FOXP4: variants seen among roughly 807,000 people sequenced by gnomAD.
FOXP4 encodes the protein forkhead box protein P4.
Under a neutral mutation model 82.6 loss-of-function variants are expected in FOXP4, and 25 were observed. The ratio of observed to expected loss-of-function variants is 0.30; its 90% CI spans 0.22 to 0.42. The LOEUF is 0.42. Among genes scored for constraint, FOXP4 ranks in the 10% least tolerant of loss-of-function variants. FOXP4 has a pLI of 1.00. For synonymous variants in FOXP4, 415 were observed against 388.2 expected (o/e 1.07, Z -0.81); for missense variants, 785 against 900.9 (o/e 0.87, Z 1.65).
In FOXP4 at chr6:41,558,257, G is replaced by A. The variant is rs933700493; in HGVS notation, c.-16-7488G>A. ...GCACGATCAGGGAGCCAAGCAGTGC[G>A]TGACTCACATCACCCACCTCTGGCT... On this transcript the variant is annotated intron_variant, in intron 1 of 16. Coordinates refer to ENST00000307972, the MANE Select transcript of FOXP4 (RefSeq NM_001012426.2). The surrounding 1 kb of genome is among the most constrained non-coding windows in gnomAD (Gnocchi z 4.0). Among the ~76,000 whole-genome samples, 6 of 152,194 alleles carry A rather than the reference G, an allele frequency of 3.9e-5. No individual in the cohort carries two copies. The highest frequency in any genetic ancestry group is 3.8e-4 in the East Asian group (2 of 5,196).
intron 16 of FOXP4, 138 bp downstream of exon 16, chr6:41,598,088 C>G (rs1766973970): frequency 1.5e-6 from 1 of 686,244 alleles, no homozygotes; most frequent in South Asian, 2.1e-5. Flanking sequence ...TTCTCTCTTC[C>G]TTCCCTCAGC....
chr6:41,563,162 C>G (rs1178992166), intron 1 of FOXP4, among the ~76,000 whole-genome samples: 1 of 152,200 alleles, frequency 6.6e-6, no homozygotes, highest in Non-Finnish European at 1.5e-5. Context: ...GGAGGCCACT[C>G]AGACTTACTG....
intron 7 of FOXP4, 63 bp downstream of exon 7, chr6:41,587,575 C>G: frequency 7.6e-7 from 1 of 1,321,908 alleles, no homozygotes; most frequent in Non-Finnish European, 1.0e-6. Flanking sequence ...TGGCCCCCCA[C>G]CCATGAGGGC....
At position 41,591,887 on chromosome 6, in the gene FOXP4, A is replaced by G. The variant is rs888773218; in HGVS notation, c.1536+565A>G. Among the ~76,000 whole-genome samples, 1 of 152,216 alleles carries G rather than the reference A, an allele frequency of 6.6e-6. No homozygotes were observed. Among genetic ancestry groups the G allele is most frequent in the South Asian group, 2.1e-4 (1 of 4,828 alleles). On this transcript the variant is annotated intron_variant, in intron 13 of 16. Coordinates refer to ENST00000307972, the MANE Select transcript of FOXP4 (RefSeq NM_001012426.2). This position sits in a 1 kb window ranked among gnomAD's most constrained non-coding sequence, Gnocchi z 4.2. ...ATTAGTCATTTCAACACCTTCAGCC[A>G]TAAGTTTTCCTGGGAGAGCAGAAGC... is the stretch of plus-strand genomic sequence containing the variant.
At position 41,594,914 on chromosome 6, in the gene FOXP4, C is replaced by T. The variant is rs541156317; in HGVS notation, c.1581C>T (p.Arg527=). The change falls in exon 14 of 17, where the codon CGC becomes CGT. Residue 527 remains arginine, a synonymous_variant. Coordinates refer to ENST00000307972, the MANE Select transcript of FOXP4 (RefSeq NM_001012426.2). ...HNLSLHKCFV[R]VENVKGAVWT... is the part of the protein sequence containing the mutation. ...TCAGCCTGCACAAGTGCTTCGTCCG[C>T]GTGGAGAACGTCAAGGGTGCCGTGT... 8.0e-5 allele frequency: 129 copies of T among 1,614,186 alleles called. 1 individual carries two copies. The South Asian group carries it at 8.7e-4, about 11-fold the overall frequency.
At chr6:41,549,365 G>A (rs1763865811) in intron 1 of FOXP4, among the ~76,000 whole-genome samples, 1 of 152,140 alleles carries the variant, frequency 6.6e-6, no homozygotes, top group African/African-American at 2.4e-5. Flanking sequence ...ACTTGCAAAG[G>A]GACCTGCTCC....
intron 2 of FOXP4, among the ~76,000 whole-genome samples, chr6:41,569,939 G>A (rs1176605952): frequency 1.3e-5 from 2 of 152,028 alleles, no homozygotes; most frequent in East Asian, 1.9e-4. Flanking sequence ...AGGCAGTTGG[G>A]GGAGGGGAGA....
At chr6:41,549,178 G>C (rs1763853901) in intron 1 of FOXP4, among the ~76,000 whole-genome samples, 1 of 152,044 alleles carries the variant, frequency 6.6e-6, no homozygotes, top group Non-Finnish European at 1.5e-5. Context: ...GAGACCATGG[G>C]AGCCTTCTCT....
At chr6:41,581,543 GCA>G (rs1326979424) in intron 3 of FOXP4, among the ~76,000 whole-genome samples, 1 of 152,222 alleles carries the variant, frequency 6.6e-6, no homozygotes, top group East Asian at 1.9e-4. Flanking sequence ...CCTGCTAGCT[GCA>G]GAGCGCCCAT....
intron 14 of FOXP4, among the ~76,000 whole-genome samples, chr6:41,596,833 T>C (rs1029367035): frequency 1.3e-5 from 2 of 150,214 alleles, no homozygotes; most frequent in Admixed American, 6.6e-5. Flanking sequence ...CATTGGAAAA[T>C]CTAGACCGGA....
At chr6:41,589,098 T>C (rs1470478554) in intron 9 of FOXP4, among the ~76,000 whole-genome samples, 2 of 152,264 alleles carry the variant, frequency 1.3e-5, no homozygotes, top group Non-Finnish European at 2.9e-5. Flanking sequence ...ACCATTATTC[T>C]CCCCATTTTC....
chr6:41,587,086 C>A lies in FOXP4; in HGVS notation c.588C>A (p.Asn196Lys), dbSNP rs752573337. Residue 196 changes from asparagine (N) to lysine (K), a missense_variant, in exon 6 of 17, where the codon AAC becomes AAA. Around this residue, in one of 3 missense-constraint regions of FOXP4, gnomAD observed 570 missense variants for 634.0 expected, o/e 0.90. Coordinates refer to ENST00000307972, the MANE Select transcript of FOXP4 (RefSeq NM_001012426.2). ...AGTTGCAGCAGCAGCACCTGCTCAA[C>A]CTGCAGAGGCAGGGGCTGGTCAGCC... ...MQQLQQQHLL[N>K]LQRQGLVSLQ... The A allele has an allele frequency of 2.4e-5, 39 of 1,609,486 alleles. No individual in the cohort carries two copies. Among genetic ancestry groups the A allele is most frequent in the Non-Finnish European group, 2.1e-5 (25 of 1,177,014 alleles).
chr6:41,585,721 C>T (rs1766073893), intron 5 of FOXP4, among the ~76,000 whole-genome samples: 1 of 152,058 alleles, frequency 6.6e-6, no homozygotes, highest in South Asian at 2.1e-4. Flanking sequence ...TTCATTCTTT[C>T]TCTCCTTGCC....
intron 3 of FOXP4, among the ~76,000 whole-genome samples, chr6:41,580,427 CACA>C (rs1441892080): frequency 6.6e-6 from 1 of 152,140 alleles, no homozygotes; most frequent in Non-Finnish European, 1.5e-5. Flanking sequence ...TTGTGCTTGG[CACA>C]ATATTGGTAA....
intron 2 of FOXP4, among the ~76,000 whole-genome samples, chr6:41,568,430 C>T (rs1765003889): frequency 6.6e-6 from 1 of 152,236 alleles, no homozygotes. Context: ...GCTCAGCACA[C>T]CTGCCCCTTT....
intron 1 of FOXP4, among the ~76,000 whole-genome samples, chr6:41,562,590 A>G (rs894322343): frequency 1.7e-4 from 26 of 152,162 alleles, no homozygotes; most frequent in Middle Eastern, 3.4e-3. Flanking sequence ...CAACTTTATG[A>G]TACTCCTTGA....
intron 2 of FOXP4, chr6:41,570,457 T>G (rs1199110512): frequency 4.3e-6 from 2 of 463,720 alleles, no homozygotes; most frequent in South Asian, 1.6e-5. Flanking sequence ...GAGAGGGCCT[T>G]AACCATCCCC....
chr6:41,572,736 C>G (rs918981127), intron 2 of FOXP4, among the ~76,000 whole-genome samples: 1 of 152,160 alleles, frequency 6.6e-6, no homozygotes, highest in Non-Finnish European at 1.5e-5. Flanking sequence ...TTGGCTGCCC[C>G]TCACCACAAT....
chr6:41,551,106 C>G (rs1249943651), intron 1 of FOXP4, among the ~76,000 whole-genome samples: 3 of 152,196 alleles, frequency 2.0e-5, no homozygotes, highest in Non-Finnish European at 2.9e-5. Context: ...CAGCGGGAAC[C>G]CTCTTTCCTC....
Sources: gnomAD v4.1 joint callset for allele counts (sites outside exome capture counted in the v4.1 genomes callset) on GRCh38, gnomAD v4.1.1 for gene constraint, gnomAD v4.1.1 regional missense constraint, Gnocchi (gnomAD v3.1) non-coding constraint, MANE v1.5 for transcripts, NCBI Gene and HGNC (gene_info 2026-07-23, HGNC 2026-07-21) for gene names.